Variants in FAT3 observed in about 807,000 individuals in gnomAD.
The protein encoded by FAT3 is FAT atypical cadherin 3, also known as protocadherin Fat 3.
A neutral mutation model predicts 310.2 loss-of-function variants in FAT3; 95 were observed. The observed-to-expected ratio is 0.31, with a 90% CI of 0.26 to 0.36. The LOEUF (loss-of-function observed/expected upper bound fraction) is 0.36, where lower values mean the gene tolerates loss of function less well. Among genes scored for constraint, FAT3 ranks in the 10% least tolerant of loss-of-function variants. The probability of loss-of-function intolerance (pLI) is 1.00; values close to 1 mark genes in which losing one functional copy is unlikely to be tolerated. For missense variants in FAT3, 5,408 were observed against 5,715.6 expected (o/e 0.95, Z 1.74); for synonymous variants, 2,314 against 2,192.9 (o/e 1.06, Z -1.54).
chr11:92,756,621 ACAAGATC>A (rs1419408632), intron 4 of FAT3, among the ~76,000 whole-genome samples: 2 of 152,320 alleles, frequency 1.3e-5, no homozygotes, highest in Middle Eastern at 3.4e-3. Context: ...AAGGCAGTAG[ACAAGATC>A]CAAGATCTCC....
At chr11:92,522,520 G>A (rs1254637449) in intron 2 of FAT3, among the ~76,000 whole-genome samples, 1 of 152,110 alleles carries the variant, frequency 6.6e-6, no homozygotes, top group Non-Finnish European at 1.5e-5. Flanking sequence ...AGCTGGCATG[G>A]CAGATTTCTA....
intron 1 of FAT3, chr11:92,336,146 C>G: frequency 1.8e-6 from 1 of 545,322 alleles, no homozygotes; most frequent in South Asian, 1.5e-5. Flanking sequence ...TGCAGTGGGC[C>G]CACTCTCGCA....
intron 3 of FAT3, among the ~76,000 whole-genome samples, chr11:92,580,270 T>C (rs1191692418): frequency 6.6e-6 from 1 of 152,076 alleles, no homozygotes; most frequent in African/African-American, 2.4e-5. Flanking sequence ...GATGCCTCAA[T>C]ATATCCTGGA....
rs370502269 is a variant in FAT3, at chr11:92,854,562, G to A, written c.11366-2652G>A. ...GGTGGGACTGATGGTAAAAGAAAGGGCCAAAACATGTGAATAAAAGGTAGA... is the reference window on the plus strand; with the variant it reads ...GGTGGGACTGATGGTAAAAGAAAGGACCAAAACATGTGAATAAAAGGTAGA... On this transcript the variant is annotated intron_variant, in intron 19 of 27. Coordinates refer to ENST00000525166, the MANE Select transcript of FAT3 (RefSeq NM_001367949.2). Among the ~76,000 whole-genome samples the A allele has an allele frequency of 3.3e-5, 5 of 152,346 alleles. No individual in the cohort carries two copies. In the East Asian group the frequency reaches 7.7e-4, roughly 23 times the overall value.
chr11:92,887,270 G>T (rs1949818211), intron 25 of FAT3, among the ~76,000 whole-genome samples, 157 bp downstream of exon 25: 3 of 152,266 alleles, frequency 2.0e-5, no homozygotes, highest in South Asian at 2.1e-4. Flanking sequence ...CCATTGTTGG[G>T]TGTCATTGCC....
In FAT3 at chr11:92,844,487, T is replaced by A; in HGVS notation, c.11120T>A (p.Met3707Lys). ...CTGGACATGCTGTTTGCGGTGGAGA[T>A]GCACAGCAGCGAGTTCTACAAGCCA... The part of the protein sequence containing the change: ...NQLDMLFAVE[M>K]HSSEFYKPAY... The change falls in exon 19 of 28, where the codon ATG becomes AAG. Residue 3707 changes from methionine to lysine, a missense_variant. Transcript: ENST00000525166. The A allele has an allele frequency of 6.2e-7, 1 of 1,613,940 alleles. No individual in the cohort carries two copies. The highest frequency in any genetic ancestry group is 1.1e-5 in the South Asian group (1 of 91,062).
intron 1 of FAT3, among the ~76,000 whole-genome samples, chr11:92,269,615 AAAAG>A (rs1946068084): frequency 2.0e-5 from 3 of 152,158 alleles, no homozygotes; most frequent in African/African-American, 7.2e-5. Context: ...AAGTTATGGC[AAAAG>A]AAAGGGTAAT....
At chr11:92,442,960 A>G (rs1244263209) in intron 2 of FAT3, among the ~76,000 whole-genome samples, 8 of 152,190 alleles carry the variant, frequency 5.3e-5, no homozygotes, top group Non-Finnish European at 1.5e-5. Context: ...CGTGCATGAT[A>G]TATGTAAACC....
chr11:92,457,048 A>G (rs967274654), intron 2 of FAT3, among the ~76,000 whole-genome samples: 47 of 152,182 alleles, frequency 3.1e-4, no homozygotes, highest in African/African-American at 1.1e-3. Flanking sequence ...GAGGGGAGAC[A>G]GAGTATAAAA....
intron 1 of FAT3, among the ~76,000 whole-genome samples, chr11:92,295,185 T>C (rs1037142980): frequency 6.6e-6 from 1 of 152,172 alleles, no homozygotes; most frequent in Non-Finnish European, 1.5e-5. Context: ...TAGGTGGAAC[T>C]ATTGGGTACA....
At position 92,887,019 on chromosome 11, in the gene FAT3, G is replaced by A. The variant is rs761259302; in HGVS notation, c.12957G>A (p.Pro4319=). The A allele has an allele frequency of 8.1e-5, 131 of 1,607,438 alleles. No homozygotes were observed. The South Asian group carries it at 1.0e-3, about 13-fold the overall frequency. ...AGTENKGVDD[P]GEVTCFAGSN... ...ATGAAGACAAAGGGGTTGATGACCC[G>A]GGAGAAGTGACCTGCTTTGCAGGTA... is the stretch of plus-strand genomic sequence containing the variant. Residue 4319 remains proline, a synonymous_variant, in exon 25 of 28, where the codon CCG becomes CCA. Transcript: ENST00000525166.
chr11:92,674,784 C>A (rs1471119118), intron 3 of FAT3, among the ~76,000 whole-genome samples: 1 of 152,140 alleles, frequency 6.6e-6, no homozygotes, highest in African/African-American at 2.4e-5. Context: ...CCACTTCGGC[C>A]TCCCAAAGTG....
intron 6 of FAT3, among the ~76,000 whole-genome samples, chr11:92,769,631 GA>G (rs1253088977): frequency 1.3e-5 from 2 of 152,226 alleles, no homozygotes; most frequent in Non-Finnish European, 2.9e-5. Context: ...ACTTAGGGGA[GA>G]AAAATAGTTT....
At chr11:92,399,056 A>C (rs893708188) in intron 2 of FAT3, among the ~76,000 whole-genome samples, 7 of 152,242 alleles carry the variant, frequency 4.6e-5, no homozygotes, top group East Asian at 1.9e-4. Context: ...AGAATCCTTT[A>C]TATCTGATAT....
intron 2 of FAT3, among the ~76,000 whole-genome samples, chr11:92,461,622 C>A (rs559014504): frequency 6.6e-6 from 1 of 152,000 alleles, no homozygotes; most frequent in Non-Finnish European, 1.5e-5. Flanking sequence ...TCGGGAGAGA[C>A]CTCCAAGTAG....
In FAT3 at chr11:92,764,137, G is replaced by A. The variant is rs1946239266; in HGVS notation, c.3985-742G>A. 2.0e-5 allele frequency among the ~76,000 whole-genome samples: 3 copies of A among 152,084 alleles called. 1 individual carries two copies. The highest frequency in any genetic ancestry group is 2.0e-4 in the Admixed American group (3 of 15,258). On this transcript the variant is annotated intron_variant, in intron 5 of 27. Coordinates refer to ENST00000525166, the MANE Select transcript of FAT3 (RefSeq NM_001367949.2). ...ACTCTTCACCCTGCCCAGCTGGGGA[G>A]GGAGACTTGCTTCCTCAGCCCTTAT...
chr11:92,406,359 T>C (rs1172516437), intron 2 of FAT3, among the ~76,000 whole-genome samples: 1 of 152,232 alleles, frequency 6.6e-6, no homozygotes, highest in Non-Finnish European at 1.5e-5. Flanking sequence ...GAGAACTAGA[T>C]ATACTTTATT....
At chr11:92,679,905 A>G (rs944821663) in intron 3 of FAT3, among the ~76,000 whole-genome samples, 2 of 143,092 alleles carry the variant, frequency 1.4e-5, no homozygotes, top group Non-Finnish European at 3.1e-5. Flanking sequence ...AGCCATTTGT[A>G]TATTTTCTTT....
chr11:92,834,829 T>C lies in FAT3; in HGVS notation c.9872-41T>C, dbSNP rs575004803. ...GATTATAGAATTGCTGACCAGTGTT[T>C]TTTCCTAATGAAATATAAAGCTCCC... On this transcript the variant is annotated intron_variant, in intron 14 of 27. Transcript: ENST00000525166. The C allele has an allele frequency of 8.7e-6, 13 of 1,500,474 alleles. No homozygotes were observed. In the South Asian group the frequency reaches 1.5e-4, roughly 17 times the overall value. The allele number at this position is 1,500,474 out of a possible 1,614,324, so 92.9% of individuals were successfully genotyped here. A position where few individuals can be genotyped will look rare whatever the true frequency, so the allele number is the denominator to read the frequency against.
Sources: gnomAD v4.1 joint callset for allele counts (sites outside exome capture counted in the v4.1 genomes callset) on GRCh38, gnomAD v4.1.1 for gene constraint, MANE v1.5 for transcripts, NCBI Gene and HGNC (gene_info 2026-07-23, HGNC 2026-07-21) for gene names.